The following TAFA4 variants were observed in gnomAD, a reference collection of about 807,000 sequenced individuals.
TAFA4 encodes the protein TAFA chemokine like family member 4, also known as chemokine-like protein TAFA-4.
A neutral mutation model predicts 21.1 loss-of-function variants in TAFA4; 20 were observed. That is an observed-to-expected ratio of 0.95 (90% CI 0.67 to 1.38). TAFA4 has a LOEUF of 1.38. Among genes scored for constraint, TAFA4 ranks in the 40% most tolerant of loss-of-function variants. The pLI is 0.00. For synonymous variants in TAFA4, 71 were observed against 67.4 expected, an observed-to-expected ratio of 1.05 and a Z score of -0.26; for missense variants, 211 against 180.9, an observed-to-expected ratio of 1.17 and a Z score of -0.95.
Position 68,930,966 on chromosome 3 carries a change from C to T in TAFA4, c.-123+1274G>A, listed in dbSNP as rs144347181. Among the ~76,000 whole-genome samples the T allele has an allele frequency of 2.2e-3, 333 of 152,288 alleles. 3 individuals are homozygous for T. The highest frequency in any genetic ancestry group is 7.5e-3 in the African/African-American group (311 of 41,554). On this transcript the variant is annotated intron_variant, in intron 1 of 5. Coordinates refer to ENST00000295569, the MANE Select transcript of TAFA4 (RefSeq NM_182522.5). ...CTGAACTGGGCTCTGACACAAACTG[C>T]CCCCACCTCTTCCCTCCTCAGCGAG...
intron 1 of TAFA4, among the ~76,000 whole-genome samples, chr3:68,927,866 C>T (rs2090124026): frequency 6.6e-6 from 1 of 151,268 alleles, no homozygotes; most frequent in African/African-American, 2.4e-5. Context: ...CCACTGCACT[C>T]CAGCCTGGGT....
intron 5 of TAFA4, among the ~76,000 whole-genome samples, chr3:68,738,399 A>C (rs1702282593): frequency 6.6e-6 from 1 of 152,208 alleles, no homozygotes; most frequent in East Asian, 1.9e-4. Context: ...TTACAAAATT[A>C]TTGTAGTCAC....
intron 3 of TAFA4, among the ~76,000 whole-genome samples, chr3:68,820,594 A>T (rs912117227): frequency 6.6e-6 from 1 of 152,154 alleles, no homozygotes. Context: ...TGAACCTAGG[A>T]GGTCAAGGCT....
At chr3:68,851,020 C>T (rs1370794672) in intron 3 of TAFA4, among the ~76,000 whole-genome samples, 1 of 152,094 alleles carries the variant, frequency 6.6e-6, no homozygotes, top group Non-Finnish European at 1.5e-5. Flanking sequence ...ATAAATTATT[C>T]TATTACAAAG....
intron 3 of TAFA4, among the ~76,000 whole-genome samples, chr3:68,862,695 G>C (rs571042024): frequency 3.9e-5 from 6 of 152,170 alleles, no homozygotes; most frequent in African/African-American, 1.4e-4. Context: ...TCAAGGGCCT[G>C]GGAGCAGAGT....
At position 68,752,978 on chromosome 3, in the gene TAFA4, G is replaced by A. The variant is rs1460277269; in HGVS notation, c.171C>T (p.Ala57=). The change falls in exon 4 of 6, where the codon GCC becomes GCT. Residue 57 remains alanine, a synonymous_variant. Transcript: ENST00000295569. ...GGTTCTTATTGCAGCACCTGTGCAC[G>A]GCGACCACCTCACAGGTCCCTTGCT... ...QIKQGTCEVV[A]VHRCCNKNRI... is the part of the protein sequence containing the mutation. 20 of 1,613,714 alleles carry A rather than the reference G, an allele frequency of 1.2e-5. No homozygotes were observed. Among genetic ancestry groups the A allele is most frequent in the East Asian group, 2.2e-5 (1 of 44,868 alleles).
intron 4 of TAFA4, among the ~76,000 whole-genome samples, chr3:68,745,183 A>C (rs1217288340): frequency 6.6e-6 from 1 of 152,214 alleles, no homozygotes; most frequent in Admixed American, 6.5e-5. Flanking sequence ...GACAGAGAAT[A>C]AGGTGATTAA....
At chr3:68,803,986 C>T (rs1311352580) in intron 3 of TAFA4, among the ~76,000 whole-genome samples, 1 of 151,696 alleles carries the variant, frequency 6.6e-6, no homozygotes. Flanking sequence ...TGGGGTTTCT[C>T]CATGTTGGCT....
intron 1 of TAFA4, among the ~76,000 whole-genome samples, chr3:68,894,780 G>A (rs2089769773): frequency 6.6e-6 from 1 of 152,150 alleles, no homozygotes; most frequent in South Asian, 2.1e-4. Flanking sequence ...TCCTGGAAGA[G>A]GCAACAGCAC....
chr3:68,778,036 A>G (rs1002856554), intron 3 of TAFA4, among the ~76,000 whole-genome samples: 4 of 152,172 alleles, frequency 2.6e-5, no homozygotes, highest in Admixed American at 6.5e-5. Context: ...GTAGATTTCA[A>G]TTTACCCATA....
At chr3:68,799,685 C>T (rs1237494229) in intron 3 of TAFA4, among the ~76,000 whole-genome samples, 1 of 152,094 alleles carries the variant, frequency 6.6e-6, no homozygotes, top group Non-Finnish European at 1.5e-5. Context: ...GGAGAAAAGG[C>T]AAAGTGATGA....
chr3:68,820,510 A>C (rs1434584872), intron 3 of TAFA4, among the ~76,000 whole-genome samples: 1 of 151,898 alleles, frequency 6.6e-6, no homozygotes, highest in East Asian at 1.9e-4. Flanking sequence ...ACCTCATCCT[A>C]CCAAAAAAAA....
intron 3 of TAFA4, 125 bp from the exon 4 acceptor site, chr3:68,753,143 C>T (rs1702590437): frequency 1.2e-6 from 1 of 820,020 alleles, no homozygotes; most frequent in African/African-American, 1.7e-5. Flanking sequence ...GTCTTTGTAA[C>T]ATTTTATTTT....
chr3:68,803,228 A>C (rs1333473757), intron 3 of TAFA4, among the ~76,000 whole-genome samples: 1 of 152,218 alleles, frequency 6.6e-6, no homozygotes, highest in African/African-American at 2.4e-5. Flanking sequence ...GTTCTGTGCT[A>C]GATAATGAGA....
At chr3:68,926,519 C>T (rs1189126079) in intron 1 of TAFA4, among the ~76,000 whole-genome samples, 1 of 152,168 alleles carries the variant, frequency 6.6e-6, no homozygotes, top group Non-Finnish European at 1.5e-5. Context: ...AAATAAAGAG[C>T]TGCGGACATT....
intron 3 of TAFA4, among the ~76,000 whole-genome samples, chr3:68,771,720 G>T (rs1463575279): frequency 2.0e-5 from 3 of 151,840 alleles, no homozygotes; most frequent in Non-Finnish European, 4.4e-5. Context: ...CAGATTCAGA[G>T]GTGTGAAGAC....
intron 3 of TAFA4, among the ~76,000 whole-genome samples, chr3:68,867,223 G>A (rs527721255): frequency 4.4e-4 from 67 of 152,132 alleles, no homozygotes; most frequent in Non-Finnish European, 8.4e-4. Context: ...GCTCTGAATC[G>A]TCTGGCAACA....
At chr3:68,745,260 T>C (rs181880752) in intron 4 of TAFA4, among the ~76,000 whole-genome samples, 2 of 152,282 alleles carry the variant, frequency 1.3e-5, no homozygotes, top group Non-Finnish European at 2.9e-5. Flanking sequence ...GACTCAGAAG[T>C]AGGATTTTAT....
chr3:68,864,015 A>G (rs1466164166), intron 3 of TAFA4, among the ~76,000 whole-genome samples: 1 of 152,170 alleles, frequency 6.6e-6, no homozygotes, highest in Non-Finnish European at 1.5e-5. Context: ...CAAAGAAAAC[A>G]GAAAACAACC....
Sources: gnomAD v4.1 joint callset for allele counts (sites outside exome capture counted in the v4.1 genomes callset) on GRCh38, gnomAD v4.1.1 for gene constraint, MANE v1.5 for transcripts, NCBI Gene and HGNC (gene_info 2026-07-23, HGNC 2026-07-21) for gene names.